The following CATSPERB variants were observed in gnomAD, a reference collection of about 807,000 sequenced individuals.
CATSPERB encodes the protein catsper channel auxiliary subunit beta.
In CATSPERB, 93 loss-of-function variants were observed where a neutral mutation model predicts 128.3. The ratio of observed to expected loss-of-function variants is 0.72; its 90% CI spans 0.61 to 0.86. CATSPERB has a LOEUF of 0.86. Among genes scored for constraint, CATSPERB ranks in the 40% least tolerant of loss-of-function variants. CATSPERB has a pLI of 0.00. For missense variants in CATSPERB, 1,153 were observed against 1,329.5 expected, an observed-to-expected ratio of 0.87 and a Z score of 2.06; for synonymous variants, 381 against 448.8, an observed-to-expected ratio of 0.85 and a Z score of 1.91.
At chr14:91,685,471 T>A (rs966261362) in intron 10 of CATSPERB, among the ~76,000 whole-genome samples, 24 of 152,196 alleles carry the variant, frequency 1.6e-4, no homozygotes, top group African/African-American at 5.8e-4. Context: ...CAATAAATAT[T>A]CATTGAGACT....
intron 22 of CATSPERB, among the ~76,000 whole-genome samples, chr14:91,600,088 T>C (rs1186969181): frequency 6.6e-6 from 1 of 152,200 alleles, no homozygotes; most frequent in Non-Finnish European, 1.5e-5. Flanking sequence ...GCTATGAAGT[T>C]TTTGTCTGAA....
intron 10 of CATSPERB, among the ~76,000 whole-genome samples, chr14:91,688,178 AC>A (rs1396078494): frequency 6.6e-6 from 1 of 152,096 alleles, no homozygotes; most frequent in Non-Finnish European, 1.5e-5. Flanking sequence ...CAGGTCATAA[AC>A]TTTTTTAATC....
chr14:91,676,102 G>GT (rs1895188947), intron 11 of CATSPERB, among the ~76,000 whole-genome samples: 1 of 151,914 alleles, frequency 6.6e-6, no homozygotes, highest in African/African-American at 2.4e-5. Flanking sequence ...AGGTTGATGT[G>GT]TTAAAAAAAA....
intron 1 of CATSPERB, among the ~76,000 whole-genome samples, chr14:91,730,382 G>T (rs895242153): frequency 6.6e-6 from 1 of 152,112 alleles, no homozygotes; most frequent in African/African-American, 2.4e-5. Context: ...CTTCCTCATG[G>T]CCCTCAGAAG....
rs1893675689 is a variant in CATSPERB, at chr14:91,605,064, T to G, written c.2709+3230A>C. The G allele has an allele frequency of 3.4e-5, 41 of 1,215,570 alleles. 1 individual carries two copies. The South Asian group carries it at 5.0e-4, about 15-fold the overall frequency. 75.3% of individuals were successfully genotyped at this position (1,215,570 alleles called of 1,614,324 possible). A position where few individuals can be genotyped will look rare whatever the true frequency, so the allele number is the denominator to read the frequency against. Reference sequence around the variant, plus strand: ...TTGAATGGGACCTTGTCTTCCTTTTTTCTGGCACTCTTCTCTGCAGAAGTG... The same window carrying G: ...TTGAATGGGACCTTGTCTTCCTTTTGTCTGGCACTCTTCTCTGCAGAAGTG... On this transcript the variant is annotated intron_variant, in intron 22 of 26. Coordinates refer to ENST00000256343, the MANE Select transcript of CATSPERB (RefSeq NM_024764.4).
At position 91,658,710 on chromosome 14, in the gene CATSPERB, A is replaced by T. The variant is rs1276037422; in HGVS notation, c.1432+1127T>A. 9.7e-5 allele frequency among the ~76,000 whole-genome samples: 14 copies of T among 144,454 alleles called. 2 individuals carry two copies. Among genetic ancestry groups the T allele is most frequent in the African/African-American group, 1.3e-4 (5 of 39,420 alleles). 94.8% of individuals were successfully genotyped at this position (144,454 alleles called of 152,430 possible). A position where few individuals can be genotyped will look rare whatever the true frequency, so the allele number is the denominator to read the frequency against. ...CAAAAATTAAGAATAAAATATTTTT[A>T]AAAAAAGGAAGGGAAGAGAAGGAAG... is the stretch of plus-strand genomic sequence containing the variant. On this transcript the variant is annotated intron_variant, in intron 15 of 26. Transcript: ENST00000256343.
Position 91,591,886 on chromosome 14 carries a change from TCTTA to T in CATSPERB, c.2820+2_2820+5del. The T allele has an allele frequency of 6.3e-7, 1 of 1,589,456 alleles. No homozygotes were observed. Among genetic ancestry groups the T allele is most frequent in the South Asian group, 1.1e-5 (1 of 90,576 alleles). ...CCTGTATTCAGGTAATTAGAAATGA[TCTTA>T]CTTTTTCCCTGCAATCCGAGAAAGC... On this transcript the variant is annotated splice_donor_variant and splice_donor_5th_base_variant and intron_variant, in intron 23 of 26. Coordinates refer to ENST00000256343, the MANE Select transcript of CATSPERB (RefSeq NM_024764.4). LOFTEE classifies it high-confidence loss of function.
intron 26 of CATSPERB, among the ~76,000 whole-genome samples, chr14:91,584,274 G>A (rs1327851593): frequency 6.6e-6 from 1 of 151,908 alleles, no homozygotes; most frequent in African/African-American, 2.4e-5. Flanking sequence ...TCACCATGTT[G>A]GCCAGGCTGG....
chr14:91,731,337 T>C (rs1222291274), intron 1 of CATSPERB, among the ~76,000 whole-genome samples: 1 of 152,208 alleles, frequency 6.6e-6, no homozygotes, highest in Non-Finnish European at 1.5e-5. Flanking sequence ...TATTTTCCCT[T>C]CAATATTACA....
chr14:91,715,781 T>C (rs1246220241), intron 5 of CATSPERB, among the ~76,000 whole-genome samples: 2 of 152,044 alleles, frequency 1.3e-5, no homozygotes, highest in African/African-American at 2.4e-5. Context: ...AAAGCTAAAA[T>C]AATCAAGACA....
chr14:91,624,866 CA>C lies in CATSPERB; in HGVS notation c.1883del (p.Leu628Ter). The C allele has an allele frequency of 4.3e-6, 7 of 1,609,582 alleles. No homozygotes were observed. In the South Asian group the frequency reaches 7.8e-5, roughly 18 times the overall value. On this transcript the variant is annotated frameshift_variant, in exon 18 of 27. Transcript: ENST00000256343. LOFTEE classifies it high-confidence loss of function. The part of the protein sequence containing the change: ...NESSCLSSSL[L>X]INKAGNVYKL... ...TATAGACATTTCCAGCTTTATTAAT[CA>C]AAAGGGAACTAGACAAACAAGAGCT...
At chr14:91,719,075 A>G (rs1489646818) in intron 5 of CATSPERB, among the ~76,000 whole-genome samples, 4 of 152,204 alleles carry the variant, frequency 2.6e-5, no homozygotes, top group Non-Finnish European at 5.9e-5. Context: ...CTTATAACAT[A>G]TTAAAACTAA....
At chr14:91,702,509 T>C (rs1742703547) in intron 7 of CATSPERB, among the ~76,000 whole-genome samples, 1 of 151,974 alleles carries the variant, frequency 6.6e-6, no homozygotes, top group Non-Finnish European at 1.5e-5. Flanking sequence ...CCTATACTGA[T>C]GCATACTGTT....
At chr14:91,638,420 A>C (rs1226309219) in intron 16 of CATSPERB, among the ~76,000 whole-genome samples, 1 of 148,850 alleles carries the variant, frequency 6.7e-6, no homozygotes, top group African/African-American at 2.5e-5. Context: ...TTTTTGAGTC[A>C]GGGTCTTGCT....
intron 22 of CATSPERB, among the ~76,000 whole-genome samples, chr14:91,605,653 C>G (rs999911070): frequency 6.6e-6 from 1 of 152,198 alleles, no homozygotes; most frequent in African/African-American, 2.4e-5. Flanking sequence ...GTCAGAGACA[C>G]TGAGCCTTTC....
At chr14:91,640,454 C>T (rs1406643358) in intron 15 of CATSPERB, among the ~76,000 whole-genome samples, 1 of 110,752 alleles carries the variant, frequency 9.0e-6, no homozygotes, top group African/African-American at 3.7e-5. Context: ...TCCATGTGAT[C>T]TCATTGTTCA....
chr14:91,716,509 C>T (rs770066967), intron 5 of CATSPERB, among the ~76,000 whole-genome samples: 3 of 151,898 alleles, frequency 2.0e-5, no homozygotes, highest in Admixed American at 6.6e-5. Flanking sequence ...ACCCAGGAGG[C>T]GGAGGCTGCA....
At chr14:91,615,723 G>A (rs978718323) in intron 20 of CATSPERB, among the ~76,000 whole-genome samples, 5 of 152,018 alleles carry the variant, frequency 3.3e-5, no homozygotes, top group African/African-American at 4.8e-5. Context: ...AGGTTGACCC[G>A]GTAACTTGGC....
chr14:91,719,306 G>T, intron 5 of CATSPERB, 112 bp downstream of exon 5: 1 of 685,232 alleles, frequency 1.5e-6, no homozygotes. Context: ...AATACCACAT[G>T]GGGGATTTAC....
Sources: gnomAD v4.1 joint callset for allele counts (sites outside exome capture counted in the v4.1 genomes callset) on GRCh38, gnomAD v4.1.1 for gene constraint, MANE v1.5 for transcripts, NCBI Gene and HGNC (gene_info 2026-07-23, HGNC 2026-07-21) for gene names.